CTNNA3: variants seen among roughly 807,000 people sequenced by gnomAD.
CTNNA3 encodes the protein catenin alpha 3.
A neutral mutation model predicts 95.7 loss-of-function variants in CTNNA3; 76 were observed. The ratio of observed to expected loss-of-function variants is 0.79; its 90% CI spans 0.66 to 0.96. The LOEUF (loss-of-function observed/expected upper bound fraction) is 0.96. Ranked by LOEUF, CTNNA3 falls within the 40% of genes least tolerant of loss-of-function variation. The probability of loss-of-function intolerance (pLI) is 0.00; values close to 1 mark genes in which losing one functional copy is unlikely to be tolerated. For synonymous variants in CTNNA3, 431 were observed against 374.4 expected, an observed-to-expected ratio of 1.15 and a Z score of -1.74; for missense variants, 1,191 against 1,089.8, an observed-to-expected ratio of 1.09 and a Z score of -1.31.
intron 9 of CTNNA3, 60 bp from the exon 10 acceptor site, chr10:66,621,844 C>T: frequency 1.0e-6 from 1 of 996,748 alleles, no homozygotes; most frequent in Non-Finnish European, 1.5e-6. Flanking sequence ...TGCAGCAACA[C>T]TTATACTGAA....
At chr10:67,197,429 G>A (rs1041182521) in intron 6 of CTNNA3, among the ~76,000 whole-genome samples, 1 of 151,976 alleles carries the variant, frequency 6.6e-6, no homozygotes, top group East Asian at 1.9e-4. Flanking sequence ...GGATTCATGG[G>A]TGAATTGTGC....
Position 67,313,357 on chromosome 10 carries a change from G to A in CTNNA3, c.580-93487C>T, listed in dbSNP as rs150849714. Among the ~76,000 whole-genome samples the A allele has an allele frequency of 0.019, 2,858 of 151,828 alleles. 235 individuals are homozygous for A. In the East Asian group the frequency reaches 0.26, roughly 14 times the overall value. ...TGAGGCAGGAGAATGGCATGAACCCGGGAGGCGGAGTTTGCAGCAAGCTGA... is the reference window on the plus strand; with the variant it reads ...TGAGGCAGGAGAATGGCATGAACCCAGGAGGCGGAGTTTGCAGCAAGCTGA... On this transcript the variant is annotated intron_variant, in intron 5 of 17. Transcript: ENST00000433211.
chr10:66,002,598 G>A (rs1209521872), intron 15 of CTNNA3, among the ~76,000 whole-genome samples: 1 of 152,112 alleles, frequency 6.6e-6, no homozygotes, highest in East Asian at 1.9e-4. Context: ...GGCGAATTGT[G>A]GGTGGTGGGC....
In CTNNA3 at chr10:66,957,406, A is replaced by G. The variant is rs77504425; in HGVS notation, c.1048-181882T>C. On this transcript the variant is annotated intron_variant, in intron 7 of 17. Transcript: ENST00000433211. The stretch of plus-strand genomic sequence containing the variant: ...TGTATATATATACATATATATATAT[A>G]TATATATGCATATATATATATGCAT... 0.016 allele frequency among the ~76,000 whole-genome samples: 490 copies of G among 29,930 alleles called. 42 individuals are homozygous for G. The East Asian group carries it at 0.17, about 10-fold the overall frequency. The allele number at this position is 29,930 out of a possible 152,430, so 19.6% of individuals were successfully genotyped here. A position where few individuals can be genotyped will look rare whatever the true frequency, so the allele number is the denominator to read the frequency against.
At chr10:65,953,051 A>C (rs543139500) in intron 17 of CTNNA3, among the ~76,000 whole-genome samples, 8 of 152,352 alleles carry the variant, frequency 5.3e-5, no homozygotes, top group African/African-American at 1.9e-4. Flanking sequence ...AAACATTCTA[A>C]TGAATTGATT....
intron 1 of CTNNA3, among the ~76,000 whole-genome samples, chr10:67,683,009 C>T (rs1205120376): frequency 1.3e-5 from 2 of 152,118 alleles, no homozygotes; most frequent in Non-Finnish European, 2.9e-5. Context: ...TAACATTATG[C>T]CTTTTTTTTC....
intron 7 of CTNNA3, among the ~76,000 whole-genome samples, chr10:66,850,038 A>G (rs569126136): frequency 6.6e-6 from 1 of 152,212 alleles, no homozygotes; most frequent in African/African-American, 2.4e-5. Flanking sequence ...GTCAATGTAA[A>G]AATTTACACA....
At chr10:66,340,577 G>T (rs2092443404) in intron 12 of CTNNA3, among the ~76,000 whole-genome samples, 1 of 151,684 alleles carries the variant, frequency 6.6e-6, no homozygotes, top group African/African-American at 2.4e-5. Context: ...ATTCTAATAA[G>T]ATTCATTACT....
intron 2 of CTNNA3, among the ~76,000 whole-genome samples, chr10:67,639,507 G>C (rs1020563295): frequency 6.6e-6 from 1 of 152,150 alleles, no homozygotes; most frequent in Non-Finnish European, 1.5e-5. Context: ...CTCATTTTAT[G>C]AGGCCAGCAT....
chr10:66,051,140 G>T (rs1047620343), intron 15 of CTNNA3, among the ~76,000 whole-genome samples: 3 of 152,132 alleles, frequency 2.0e-5, no homozygotes, highest in African/African-American at 2.4e-5. Flanking sequence ...CTCCCAAAGT[G>T]CTGAGAATAG....
intron 7 of CTNNA3, among the ~76,000 whole-genome samples, chr10:66,936,365 G>A (rs1847695366): frequency 6.6e-6 from 1 of 151,858 alleles, no homozygotes; most frequent in African/African-American, 2.4e-5. Context: ...TCACTTTCTT[G>A]AAAGCTAATT....
At chr10:67,734,007 T>TCATA (rs1841289632) in intron 1 of CTNNA3, among the ~76,000 whole-genome samples, 1 of 152,204 alleles carries the variant, frequency 6.6e-6, no homozygotes, top group Admixed American at 6.5e-5. Context: ...TTTTAAAGCC[T>TCATA]CATAACAACC....
chr10:66,854,292 G>A (rs1843606316), intron 7 of CTNNA3, among the ~76,000 whole-genome samples: 1 of 125,232 alleles, frequency 8.0e-6, no homozygotes. Flanking sequence ...GATTTGTTAG[G>A]TGATCTTAAT....
intron 5 of CTNNA3, among the ~76,000 whole-genome samples, chr10:67,344,682 T>G (rs1378830896): frequency 1.3e-5 from 2 of 152,112 alleles, no homozygotes; most frequent in Non-Finnish European, 2.9e-5. Context: ...TTCTGTGGTA[T>G]CAGTTGTATG....
chr10:66,077,803 T>A (rs2080601308), intron 14 of CTNNA3, among the ~76,000 whole-genome samples: 1 of 151,810 alleles, frequency 6.6e-6, no homozygotes, highest in African/African-American at 2.4e-5. Context: ...CATATAGTTA[T>A]TGCAATATAT....
intron 12 of CTNNA3, among the ~76,000 whole-genome samples, chr10:66,372,413 T>C (rs937309435): frequency 6.6e-6 from 1 of 152,138 alleles, no homozygotes; most frequent in Non-Finnish European, 1.5e-5. Flanking sequence ...ACAGGTGTTC[T>C]AGAGTTACAG....
intron 11 of CTNNA3, among the ~76,000 whole-genome samples, chr10:66,503,872 G>A (rs915998233): frequency 6.6e-6 from 1 of 151,996 alleles, no homozygotes; most frequent in Non-Finnish European, 1.5e-5. Flanking sequence ...TAGTAAGAAC[G>A]ATAGGCAGTT....
Position 66,182,134 on chromosome 10 carries a change from G to T in CTNNA3, c.1885-78885C>A, listed in dbSNP as rs554947433. On this transcript the variant is annotated intron_variant, in intron 13 of 17. Coordinates refer to ENST00000433211, the MANE Select transcript of CTNNA3 (RefSeq NM_013266.4). ...TCCATACTTAATCCTTGATTTTATG[G>T]GGTCCCATTTATTTGTAATTTGTAA... Among the ~76,000 whole-genome samples, 95 of 152,176 alleles carry T rather than the reference G, an allele frequency of 6.2e-4. 1 individual carries two copies. Among genetic ancestry groups the T allele is most frequent in the Middle Eastern group, 6.8e-3 (2 of 294 alleles).
At position 67,202,229 on chromosome 10, in the gene CTNNA3, T is replaced by TA. The variant is rs1863679697; in HGVS notation, c.843+17377dup. ...TTGCCTTTCCAAATCTTACTGTAAA[T>TA]ACAAAAGTATGAAAATAAAGCCTGT... On this transcript the variant is annotated intron_variant, in intron 6 of 17. Coordinates refer to ENST00000433211, the MANE Select transcript of CTNNA3 (RefSeq NM_013266.4). Among the ~76,000 whole-genome samples the TA allele has an allele frequency of 2.0e-5, 3 of 151,132 alleles. No homozygotes were observed. The South Asian group carries it at 6.2e-4, about 31-fold the overall frequency.
Sources: gnomAD v4.1 joint callset for allele counts (sites outside exome capture counted in the v4.1 genomes callset) on GRCh38, gnomAD v4.1.1 for gene constraint, MANE v1.5 for transcripts, NCBI Gene and HGNC (gene_info 2026-07-23, HGNC 2026-07-21) for gene names.